Variants in SNX18 observed in about 807,000 individuals in gnomAD.
SNX18 encodes the protein sorting nexin 18.
Under a neutral mutation model 48.7 loss-of-function variants are expected in SNX18, and 35 were observed. The ratio of observed to expected loss-of-function variants is 0.72; its 90% CI spans 0.55 to 0.95. The LOEUF (loss-of-function observed/expected upper bound fraction) is 0.95, where lower values mean the gene tolerates loss of function less well. Among genes scored for constraint, SNX18 ranks in the 40% least tolerant of loss-of-function variants. The probability of loss-of-function intolerance (pLI) is 0.00; values close to 1 mark genes in which losing one functional copy is unlikely to be tolerated. For missense variants in SNX18, 824 were observed against 871.0 expected, an observed-to-expected ratio of 0.95 and a Z score of 0.68; for synonymous variants, 492 against 384.7, an observed-to-expected ratio of 1.28 and a Z score of -3.26.
rs1186518094 is a variant in SNX18, at chr5:54,518,703, T to G, written c.751T>G (p.Phe251Val). Residue 251 changes from phenylalanine to valine, a missense_variant, in exon 1 of 2, where the codon TTC becomes GTC. By Grantham distance (50) the Phe-to-Val change is conservative (BLOSUM62 -1). Around this residue, in one of 3 missense-constraint regions of SNX18, gnomAD observed 443 missense variants for 503.6 expected, o/e 0.88. Transcript: ENST00000381410. ...CTTCGTGCTGGGGGAGGCGTCAGGCTTCGTGAAGGACGGGGACAAGCTGTG... is the reference window on the plus strand; with the variant it reads ...CTTCGTGCTGGGGGAGGCGTCAGGCGTCGTGAAGGACGGGGACAAGCTGTG... ...EAFVLGEASGFVKDGDKLCVV... is the reference protein window; with the variant it reads ...EAFVLGEASGVVKDGDKLCVV... The G allele has an allele frequency of 1.9e-6, 3 of 1,585,012 alleles. No individual in the cohort carries two copies. Among genetic ancestry groups the G allele is most frequent in the Non-Finnish European group, 2.6e-6 (3 of 1,165,964 alleles).
chr5:54,542,641 G>A (rs1003371), intron 1 of SNX18, among the ~76,000 whole-genome samples: 31,943 of 152,210 alleles, frequency 0.21, 4,354 homozygotes, highest in Non-Finnish European at 0.3. Flanking sequence ...CACCCTCCAT[G>A]ACTGTGACAT....
the SNX18 span, among the ~76,000 whole-genome samples, chr5:54,621,302 A>G: frequency 6.6e-6 from 1 of 152,172 alleles, no homozygotes; most frequent in South Asian, 2.1e-4. Context: ...TTGTGAATCA[A>G]CAATCTCCCT....
At chr5:54,618,355 C>T in the SNX18 span, among the ~76,000 whole-genome samples, 2 of 152,112 alleles carry the variant, frequency 1.3e-5, no homozygotes, top group African/African-American at 4.8e-5. Context: ...TGAGAATGGA[C>T]CAATATACAG....
At chr5:54,611,816 G>A in the SNX18 span, among the ~76,000 whole-genome samples, 5 of 152,056 alleles carry the variant, frequency 3.3e-5, no homozygotes, top group African/African-American at 9.7e-5. Flanking sequence ...ACAGTGTTGG[G>A]GTGAGGCAGG....
the SNX18 span, among the ~76,000 whole-genome samples, chr5:54,588,520 G>T: frequency 1.3e-5 from 2 of 151,324 alleles, no homozygotes; most frequent in African/African-American, 4.9e-5. Context: ...GTAGAGATGG[G>T]GTTTCACCAT....
At position 54,545,127 on chromosome 5, in the gene SNX18, A is replaced by T. The variant is rs1762554658; in HGVS notation, c.*1695A>T. 1 of 152,184 alleles carries T rather than the reference A, an allele frequency of 6.6e-6. No individual in the cohort carries two copies. The highest frequency in any genetic ancestry group is 1.5e-5 in the Non-Finnish European group (1 of 68,016). 9.4% of individuals were successfully genotyped at this position (152,184 alleles called of 1,614,324 possible). A position where few individuals can be genotyped will look rare whatever the true frequency, so the allele number is the denominator to read the frequency against. On this transcript the variant is annotated 3_prime_UTR_variant, in exon 2 of 2. Transcript: ENST00000381410. ...ATATTTGGTCAAAATTTTGTACCTT[A>T]GGTTACTTAGAGCCAGATTTAACAT...
At chr5:54,619,409 G>A in the SNX18 span, among the ~76,000 whole-genome samples, 1 of 152,156 alleles carries the variant, frequency 6.6e-6, no homozygotes, top group Non-Finnish European at 1.5e-5. Context: ...TACTCGGGAG[G>A]CTGAGGTGGG....
At chr5:54,594,181 G>T in the SNX18 span, among the ~76,000 whole-genome samples, 1 of 152,166 alleles carries the variant, frequency 6.6e-6, no homozygotes, top group Non-Finnish European at 1.5e-5. Context: ...AAGATTACAG[G>T]CTATATTATT....
At chr5:54,604,588 CA>C in the SNX18 span, among the ~76,000 whole-genome samples, 1 of 152,088 alleles carries the variant, frequency 6.6e-6, no homozygotes, top group Non-Finnish European at 1.5e-5. Flanking sequence ...CAGAAGGTAT[CA>C]TAGAGGTTAC....
At chr5:54,607,229 T>C in the SNX18 span, among the ~76,000 whole-genome samples, 1 of 152,164 alleles carries the variant, frequency 6.6e-6, no homozygotes, top group African/African-American at 2.4e-5. Context: ...GGTTCTTCTG[T>C]TGGCACTGAG....
the SNX18 span, among the ~76,000 whole-genome samples, chr5:54,607,348 T>C: frequency 6.6e-6 from 1 of 151,964 alleles, no homozygotes; most frequent in Non-Finnish European, 1.5e-5. Flanking sequence ...TCTCTTACGC[T>C]GTTTTTGGAC....
the SNX18 span, among the ~76,000 whole-genome samples, chr5:54,634,063 G>A: frequency 0.069 from 10,446 of 152,280 alleles, 424 homozygotes; most frequent in East Asian, 0.16. Flanking sequence ...GTACTCTGAA[G>A]AGTGGTTTTC....
the SNX18 span, among the ~76,000 whole-genome samples, chr5:54,586,900 T>C: frequency 1.3e-5 from 2 of 151,998 alleles, no homozygotes; most frequent in African/African-American, 2.4e-5. Flanking sequence ...TATATAAATA[T>C]AGATATGTCT....
chr5:54,645,444 C>T, the SNX18 span: 1 of 152,226 alleles, frequency 6.6e-6, no homozygotes, highest in Admixed American at 6.5e-5. Context: ...AGCCTTCCCT[C>T]CTGGGCTAGG....
the SNX18 span, among the ~76,000 whole-genome samples, chr5:54,600,999 G>T: frequency 2.6e-5 from 4 of 152,124 alleles, no homozygotes; most frequent in African/African-American, 9.7e-5. Flanking sequence ...AACTAAAAAT[G>T]ATTTAAAAAG....
intron 1 of SNX18, among the ~76,000 whole-genome samples, chr5:54,538,424 GT>G (rs1366350009): frequency 1.3e-5 from 2 of 150,802 alleles, no homozygotes; most frequent in African/African-American, 4.8e-5. Context: ...CACTTGAGCT[GT>G]TTAAAAGATG....
chr5:54,635,365 A>G, the SNX18 span, among the ~76,000 whole-genome samples: 1 of 152,140 alleles, frequency 6.6e-6, no homozygotes, highest in Non-Finnish European at 1.5e-5. Flanking sequence ...GAAAATTCTT[A>G]CAGACAATAA....
chr5:54,553,971 T>C, the SNX18 span, among the ~76,000 whole-genome samples: 1 of 152,342 alleles, frequency 6.6e-6, no homozygotes, highest in South Asian at 2.1e-4. Flanking sequence ...ACAATTCTTT[T>C]GGATTCCTTC....
chr5:54,605,505 A>T, the SNX18 span, among the ~76,000 whole-genome samples: 1 of 152,164 alleles, frequency 6.6e-6, no homozygotes, highest in East Asian at 1.9e-4. Context: ...AGATTACTGA[A>T]CTTTTTTACA....
Sources: allele counts gnomAD v4.1 joint callset (sites outside exome capture counted in the v4.1 genomes callset), GRCh38; gene constraint gnomAD v4.1.1; regional missense constraint gnomAD v4.1.1; transcripts MANE v1.5; gene names NCBI Gene and HGNC (gene_info 2026-07-23, HGNC 2026-07-21).